Variants in ACSF2 observed in about 807,000 individuals in gnomAD.
ACSF2 encodes the protein medium-chain acyl-CoA ligase ACSF2, mitochondrial.
Under a neutral mutation model 79.3 loss-of-function variants are expected in ACSF2, and 52 were observed. The ratio of observed to expected loss-of-function variants is 0.66; its 90% CI spans 0.53 to 0.83. The LOEUF (loss-of-function observed/expected upper bound fraction) is 0.83. Among genes scored for constraint, ACSF2 ranks in the 40% least tolerant of loss-of-function variants. ACSF2 has a pLI of 0.00. For synonymous variants in ACSF2, 283 were observed against 312.6 expected, an observed-to-expected ratio of 0.91 and a Z score of 1.00; for missense variants, 661 against 803.3, an observed-to-expected ratio of 0.82 and a Z score of 2.14.
Position 50,472,537 on chromosome 17 carries a change from A to G in ACSF2, c.1433A>G (p.Lys478Arg), listed in dbSNP as rs1380791884. The G allele has an allele frequency of 1.2e-6, 2 of 1,611,932 alleles. No homozygotes were observed. The highest frequency in any genetic ancestry group is 1.3e-5 in the African/African-American group (1 of 74,838). ...CTGGGCTACTGGGGTGAGCCTCAGA[A>G]GACAGAGGAAGCAGTGGATCAGGAC... ...VMLGYWGEPQ[K>R]TEEAVDQDKW... Residue 478 changes from lysine (K) to arginine (R), a missense_variant, in exon 12 of 16, where the codon AAG becomes AGG. Coordinates refer to ENST00000300441, the MANE Select transcript of ACSF2 (RefSeq NM_025149.6).
chr17:50,451,758 T>G (rs1194883840), intron 1 of ACSF2, among the ~76,000 whole-genome samples: 3 of 152,220 alleles, frequency 2.0e-5, no homozygotes, highest in Non-Finnish European at 2.9e-5. Context: ...CCCTTGATTT[T>G]ATTTTATTTT....
intron 10 of ACSF2, chr17:50,464,768 T>C (rs1555611915): frequency 1.6e-5 from 2 of 126,792 alleles, no homozygotes; most frequent in Non-Finnish European, 1.5e-5. Flanking sequence ...TCTGATTGAC[T>C]TGGGGGGGGG....
chr17:50,436,735 GTTC>G, intron 1 of ACSF2, among the ~76,000 whole-genome samples: 1 of 147,182 alleles, frequency 6.8e-6, no homozygotes, highest in Admixed American at 6.8e-5. Context: ...TGCCCAGGCA[GTTC>G]TTTTTTTTTT....
intron 10 of ACSF2, chr17:50,468,721 G>C (rs1567862423): frequency 6.2e-7 from 1 of 1,611,484 alleles, no homozygotes; most frequent in Non-Finnish European, 8.5e-7. Context: ...GCTGCAGGTC[G>C]CTGTGGCAGT....
chr17:50,443,046 ACTATGGGTGCACGCCACCATG>A (rs1347273545), intron 1 of ACSF2, among the ~76,000 whole-genome samples: 3 of 151,840 alleles, frequency 2.0e-5, no homozygotes, highest in African/African-American at 7.3e-5. Flanking sequence ...AATAGCTGGG[ACTATGGGTGCACGCCACCATG>A]CCCGGCTAAT....
intron 1 of ACSF2, among the ~76,000 whole-genome samples, chr17:50,447,679 A>G (rs1228654825): frequency 6.6e-6 from 1 of 152,206 alleles, no homozygotes; most frequent in Non-Finnish European, 1.5e-5. Context: ...AACAAATCTC[A>G]TAGGGAATAC....
Position 50,435,559 on chromosome 17 carries a change from C to T in ACSF2, c.128+9170C>T, listed in dbSNP as rs956725176. 4.0e-5 allele frequency among the ~76,000 whole-genome samples: 6 copies of T among 150,700 alleles called. No homozygotes were observed. The East Asian group carries it at 5.8e-4, about 15-fold the overall frequency. ...CCAAGTACGTAGGACTATGGGTACA[C>T]GCCACAAAGCCCAGCTAATTTAAAA... On this transcript the variant is annotated intron_variant, in intron 1 of 15. Transcript: ENST00000300441.
intron 1 of ACSF2, among the ~76,000 whole-genome samples, chr17:50,428,001 G>T (rs2143450202): frequency 6.6e-6 from 1 of 152,298 alleles, no homozygotes; most frequent in East Asian, 1.9e-4. Flanking sequence ...GGTTTTACCT[G>T]ATTTCTCTCC....
chr17:50,472,633 C>G (rs369578956), intron 12 of ACSF2, 54 bp downstream of exon 12: 9 of 1,544,436 alleles, frequency 5.8e-6, no homozygotes, highest in African/African-American at 2.8e-5. Context: ...GGCTGGAGGT[C>G]TTGAGGCTGA....
At chr17:50,444,970 T>C (rs2031202917) in intron 1 of ACSF2, among the ~76,000 whole-genome samples, 1 of 152,076 alleles carries the variant, frequency 6.6e-6, no homozygotes, top group East Asian at 1.9e-4. Context: ...GCTGGAGTGC[T>C]GTGGCATAAT....
chr17:50,462,704 C>G, intron 6 of ACSF2, 119 bp downstream of exon 6: 1 of 1,198,276 alleles, frequency 8.3e-7, no homozygotes, highest in Non-Finnish European at 1.2e-6. Context: ...TGAGACTGGC[C>G]TTCAGCTGTC....
intron 1 of ACSF2, among the ~76,000 whole-genome samples, chr17:50,450,996 A>G (rs747408424): frequency 2.0e-5 from 3 of 152,062 alleles, no homozygotes; most frequent in Non-Finnish European, 4.4e-5. Context: ...GTAGTGGTGT[A>G]ATGGTAGCTC....
At chr17:50,457,166 G>A (rs1257534302) in intron 1 of ACSF2, among the ~76,000 whole-genome samples, 6 of 152,246 alleles carry the variant, frequency 3.9e-5, no homozygotes, top group Non-Finnish European at 8.8e-5. Flanking sequence ...TCACTGGCCT[G>A]CTCTAGGTGA....
intron 1 of ACSF2, among the ~76,000 whole-genome samples, chr17:50,444,382 A>G (rs2031152191): frequency 6.6e-6 from 1 of 152,006 alleles, no homozygotes. Flanking sequence ...GCAAAACCCT[A>G]TCTCTACTAA....
chr17:50,468,346 G>A, intron 10 of ACSF2: 1 of 1,614,082 alleles, frequency 6.2e-7, no homozygotes, highest in African/African-American at 1.3e-5. Context: ...GGATCTTGTT[G>A]TTGTTGAGCT....
At chr17:50,466,538 TGGGGCTGC>T (rs1193782227) in intron 10 of ACSF2, among the ~76,000 whole-genome samples, 3 of 152,148 alleles carry the variant, frequency 2.0e-5, no homozygotes, top group Non-Finnish European at 2.9e-5. Flanking sequence ...ACTGGGACTG[TGGGGCTGC>T]CAGAGTTTGG....
intron 10 of ACSF2, chr17:50,468,551 C>T (rs763861125): frequency 2.5e-6 from 4 of 1,614,120 alleles, no homozygotes; most frequent in East Asian, 2.2e-5. Context: ...GGCCACCTCG[C>T]GGATCTGGCA....
At position 50,474,394 on chromosome 17, in the gene ACSF2, G is replaced by C; in HGVS notation, c.1798-108G>C. 2.0e-6 allele frequency: 3 copies of C among 1,506,246 alleles called. No individual in the cohort carries two copies. The highest frequency in any genetic ancestry group is 1.1e-5 in the South Asian group (1 of 88,412). 93.3% of individuals were successfully genotyped at this position (1,506,246 alleles called of 1,614,324 possible). On this transcript the variant is annotated intron_variant, in intron 15 of 15. Coordinates refer to ENST00000300441, the MANE Select transcript of ACSF2 (RefSeq NM_025149.6). The surrounding 1 kb of genome is among the most constrained non-coding windows in gnomAD (Gnocchi z 4.2). Reference sequence around the variant, plus strand: ...TAGGGTGACCGGGTCACCTAATCCTGGTTTGCCTGGGGACTTTCCCTGTTT... The same window carrying C: ...TAGGGTGACCGGGTCACCTAATCCTCGTTTGCCTGGGGACTTTCCCTGTTT...
chr17:50,449,124 C>G (rs192306932), intron 1 of ACSF2, among the ~76,000 whole-genome samples: 1 of 142,608 alleles, frequency 7.0e-6, no homozygotes, highest in Non-Finnish European at 1.5e-5. Flanking sequence ...TCAAGCAATT[C>G]TCCTGCTTCA....
Sources: gnomAD v4.1 joint callset for allele counts (sites outside exome capture counted in the v4.1 genomes callset) on GRCh38, gnomAD v4.1.1 for gene constraint, Gnocchi (gnomAD v3.1) non-coding constraint, MANE v1.5 for transcripts, NCBI Gene and HGNC (gene_info 2026-07-23, HGNC 2026-07-21) for gene names.